Variants in SYT12 observed in about 807,000 individuals in gnomAD.
SYT12 encodes the protein synaptotagmin 12, also known as synaptotagmin-12.
Under a neutral mutation model 39.5 loss-of-function variants are expected in SYT12, and 27 were observed. The observed-to-expected ratio is 0.68, with a 90% CI of 0.50 to 0.94. The LOEUF (loss-of-function observed/expected upper bound fraction) is 0.94, where lower values mean the gene tolerates loss of function less well. SYT12 is among the 40% of genes least tolerant of loss of function. The pLI, the probability that SYT12 is intolerant of heterozygous loss-of-function variation, is 0.00. For missense variants in SYT12, 536 were observed against 572.6 expected, an observed-to-expected ratio of 0.94 and a Z score of 0.65; for synonymous variants, 233 against 239.7, an observed-to-expected ratio of 0.97 and a Z score of 0.26.
chr11:67,040,459 CGTT>C (rs1423489187), intron 4 of SYT12, among the ~76,000 whole-genome samples: 1 of 152,152 alleles, frequency 6.6e-6, no homozygotes, highest in Non-Finnish European at 1.5e-5. Flanking sequence ...TGGCAACTGT[CGTT>C]GTCCACATCT....
chr11:67,045,542 A>G, intron 6 of SYT12: 1 of 724,168 alleles, frequency 1.4e-6, no homozygotes. Flanking sequence ...CACAAAGCCC[A>G]GCCCTCACCT....
chr11:67,022,191 C>T (rs1247567520), upstream of SYT12, among the ~76,000 whole-genome samples: 2 of 152,160 alleles, frequency 1.3e-5, no homozygotes, highest in South Asian at 2.1e-4. Context: ...CCACACTGCA[C>T]CAAGCCAGCA....
At position 67,050,307 on chromosome 11, in the gene SYT12, G is replaced by A. The variant is rs555019804; in HGVS notation, c.*1550G>A. 4.6e-5 allele frequency: 7 copies of A among 152,524 alleles called. No homozygotes were observed. In the East Asian group the frequency reaches 1.4e-3, roughly 29 times the overall value. The allele number at this position is 152,524 out of a possible 1,614,324, so 9.4% of individuals were successfully genotyped here. On this transcript the variant is annotated 3_prime_UTR_variant, in exon 8 of 8. Transcript: ENST00000527043. ...TGCTGGGAAGGGCTGAGCTCACCCA[G>A]GCCAGCAGGTGGGGTATCATCTGCT...
At position 67,034,712 on chromosome 11, in the gene SYT12, C is replaced by T. The variant is rs770056575; in HGVS notation, c.102C>T (p.Ile34=). The T allele has an allele frequency of 1.5e-5, 24 of 1,601,982 alleles. No homozygotes were observed. The highest frequency in any genetic ancestry group is 6.8e-5 in the East Asian group (3 of 43,906). Residue 34 remains isoleucine, a synonymous_variant, in exon 3 of 8, where the codon ATC becomes ATT. Coordinates refer to ENST00000527043, the MANE Select transcript of SYT12 (RefSeq NM_177963.4). The part of the protein sequence containing the change: ...YAAGALALLG[I]AAVSLWKLWT... ...CAGGGGCCCTGGCCCTGCTGGGAAT[C>T]GCAGCTGTGAGCCTGTGGAAGCTCT... is the stretch of plus-strand genomic sequence containing the variant.
chr11:67,048,128 G>A (rs796513048), intron 7 of SYT12, among the ~76,000 whole-genome samples: 10 of 151,288 alleles, frequency 6.6e-5, no homozygotes, highest in East Asian at 6.0e-4. Context: ...AAAATTAGCC[G>A]GGCATGGTGG....
At chr11:67,020,853 C>G (rs1018722235), upstream of SYT12, among the ~76,000 whole-genome samples, 1 of 152,136 alleles carries the variant, frequency 6.6e-6, no homozygotes, top group Non-Finnish European at 1.5e-5. Flanking sequence ...CTCAGCCTCC[C>G]GAGTAGCTGG....
chr11:67,009,263 C>A (rs1012363547), intron 1 of SYT12, among the ~76,000 whole-genome samples: 1 of 152,098 alleles, frequency 6.6e-6, no homozygotes, highest in South Asian at 2.1e-4. Context: ...GCCTTGGCCT[C>A]CTGAAGTGCT....
chr11:67,017,940 A>G (rs549014040), intron 3 of SYT12, among the ~76,000 whole-genome samples: 12 of 151,652 alleles, frequency 7.9e-5, no homozygotes, highest in African/African-American at 2.4e-4. Flanking sequence ...AGCCTGGAGG[A>G]CAAGAGTGAG....
chr11:67,040,212 GGCTCAGGGCGGGGCAGAAGGGT>G lies in SYT12; in HGVS notation c.621+14_621+35del. 1 of 1,564,196 alleles carries G rather than the reference GGCTCAGGGCGGGGCAGAAGGGT, an allele frequency of 6.4e-7. No individual in the cohort carries two copies. The highest frequency in any genetic ancestry group is 1.2e-5 in the South Asian group (1 of 82,306). On this transcript the variant is annotated intron_variant, in intron 4 of 7. Transcript: ENST00000527043. ...TCGTGGGCATTTCTCGGGTAAGTGG[GGCTCAGGGCGGGGCAGAAGGGT>G]GCTCTGGGCTCACTAGATGCCTCCC...
chr11:67,026,984 C>T (rs1950189450), intron 1 of SYT12: 1 of 152,242 alleles, frequency 6.6e-6, no homozygotes, highest in Non-Finnish European at 1.5e-5. Flanking sequence ...GGCAGCCTCA[C>T]ATCTGCTTTA....
chr11:67,030,218 G>A (rs766480976), intron 2 of SYT12, 40 bp downstream of exon 2: 8 of 1,612,116 alleles, frequency 5.0e-6, no homozygotes, highest in South Asian at 2.2e-5. Context: ...TCACGCCTGC[G>A]AGACCCTTAC....
At chr11:67,009,311 T>A (rs1215147487) in intron 1 of SYT12, among the ~76,000 whole-genome samples, 6 of 152,008 alleles carry the variant, frequency 3.9e-5, no homozygotes, top group Non-Finnish European at 8.8e-5. Flanking sequence ...CCGACCTTGA[T>A]TGATTTTTTT....
At chr11:67,015,508 C>CAAAGGGAAGGG (rs904745649) in intron 3 of SYT12, among the ~76,000 whole-genome samples, 1 of 151,856 alleles carries the variant, frequency 6.6e-6, no homozygotes, top group Non-Finnish European at 1.5e-5. Flanking sequence ...CAGCTGGGAA[C>CAAAGGGAAGGG]AAAGGGAAGG....
chr11:67,035,790 T>TTTTCTTTCCTTCCTTCC (rs1491375358), intron 3 of SYT12, among the ~76,000 whole-genome samples: 3 of 73,228 alleles, frequency 4.1e-5, no homozygotes, highest in African/African-American at 1.8e-4. Flanking sequence ...TTTTCTTTTC[T>TTTTCTTTCCTTCCTTCC]TTCCTTCCTT....
intron 3 of SYT12, among the ~76,000 whole-genome samples, chr11:67,016,504 C>T (rs1025131230): frequency 6.6e-6 from 1 of 152,192 alleles, no homozygotes; most frequent in Admixed American, 6.5e-5. Flanking sequence ...ATGTAAATCA[C>T]TTCTCGGCCA....
chr11:67,032,221 G>A (rs1203390201), intron 2 of SYT12: 2 of 152,158 alleles, frequency 1.3e-5, no homozygotes, highest in Non-Finnish European at 2.9e-5. Context: ...TTGCCACAGT[G>A]CCATCCTAAT....
At chr11:67,024,526 C>G (rs893896256) in intron 1 of SYT12, among the ~76,000 whole-genome samples, 3 of 152,190 alleles carry the variant, frequency 2.0e-5, no homozygotes, top group Non-Finnish European at 4.4e-5. Flanking sequence ...CATCTGTAGG[C>G]TGGCAGCGCT....
chr11:67,037,828 GCAGAGATCGCACCACTC>G (rs1950411618), intron 3 of SYT12, among the ~76,000 whole-genome samples: 1 of 150,578 alleles, frequency 6.6e-6, no homozygotes, highest in Non-Finnish European at 1.5e-5. Context: ...CTTGCAGTGA[GCAGAGATCGCACCACTC>G]TACTCCAGCC....
intron 5 of SYT12, among the ~76,000 whole-genome samples, chr11:67,044,093 T>C (rs1950565570): frequency 6.6e-6 from 1 of 152,236 alleles, no homozygotes; most frequent in South Asian, 2.1e-4. Context: ...TCAGAGGTTC[T>C]ACCCCTACTG....
Sources: gnomAD v4.1 joint callset for allele counts (sites outside exome capture counted in the v4.1 genomes callset) on GRCh38, gnomAD v4.1.1 for gene constraint, MANE v1.5 for transcripts, NCBI Gene and HGNC (gene_info 2026-07-23, HGNC 2026-07-21) for gene names.